AFF1: variants seen among roughly 807,000 people sequenced by gnomAD.
The protein encoded by AFF1 is AF4/FMR2 family member 1.
AFF1 carries 48 observed loss-of-function variants against 121.7 expected under a neutral mutation model. That is an observed-to-expected ratio of 0.39 (90% CI 0.31 to 0.50). The LOEUF (loss-of-function observed/expected upper bound fraction) is 0.50, where lower values mean the gene tolerates loss of function less well. AFF1 is among the 20% of genes least tolerant of loss of function. AFF1 has a pLI of 0.76. For missense variants in AFF1, 1,523 were observed against 1,511.7 expected, an observed-to-expected ratio of 1.01 and a Z score of -0.12; for synonymous variants, 613 against 563.0, an observed-to-expected ratio of 1.09 and a Z score of -1.26.
chr4:87,034,120 C>A (rs567144432), intron 2 of AFF1, among the ~76,000 whole-genome samples: 1 of 152,054 alleles, frequency 6.6e-6, no homozygotes, highest in Admixed American at 6.5e-5. Flanking sequence ...GCTGAGGAGC[C>A]GATAGTTATA....
chr4:86,995,839 C>T (rs1725119134), intron 2 of AFF1, among the ~76,000 whole-genome samples: 1 of 151,430 alleles, frequency 6.6e-6, no homozygotes, highest in East Asian at 2.0e-4. Flanking sequence ...GCGTCTCTGC[C>T]TGGCCGCCAT....
chr4:86,956,869 A>C (rs1197909954), intron 2 of AFF1, among the ~76,000 whole-genome samples: 1 of 152,106 alleles, frequency 6.6e-6, no homozygotes, highest in Non-Finnish European at 1.5e-5. Flanking sequence ...GCAATGTTCC[A>C]CATATGTTTT....
chr4:87,131,025 G>A, intron 16 of AFF1, 58 bp from the exon 17 acceptor site: 2 of 1,592,800 alleles, frequency 1.3e-6, no homozygotes, highest in Non-Finnish European at 1.7e-6. Context: ...GAATGTGGGT[G>A]AGAAACTAAA....
At chr4:87,044,407 G>A (rs1403260989) in intron 2 of AFF1, among the ~76,000 whole-genome samples, 3 of 152,134 alleles carry the variant, frequency 2.0e-5, no homozygotes, top group Admixed American at 6.5e-5. Flanking sequence ...AATTTGCGAG[G>A]TTCGTTTCTG....
intron 2 of AFF1, among the ~76,000 whole-genome samples, chr4:87,038,685 C>G (rs1729803912): frequency 6.6e-6 from 1 of 152,210 alleles, no homozygotes; most frequent in South Asian, 2.1e-4. Flanking sequence ...ATTTGTTGCT[C>G]TATCCTTTGT....
rs10676975 is a variant in AFF1 at position 86,978,177 on chromosome 4, CTTTTTTTTTTTT to C, written c.38+29619_38+29630del. Among the ~76,000 whole-genome samples, 6 of 39,324 alleles carry C rather than the reference CTTTTTTTTTTTT, an allele frequency of 1.5e-4. No homozygotes were observed. The South Asian group carries it at 5.8e-3, about 38-fold the overall frequency. 25.8% of individuals were successfully genotyped at this position (39,324 alleles called of 152,430 possible). A position where few individuals can be genotyped will look rare whatever the true frequency, so the allele number is the denominator to read the frequency against. ...CTTCTCTTACTTCTCATTACATTCA[CTTTTTTTTTTTT>C]TTTTTTTTTTTTGAGATGGAGTCTC... On this transcript the variant is annotated intron_variant, in intron 2 of 20. Transcript: ENST00000395146.
At chr4:87,094,797 G>A (rs1247576659) in intron 7 of AFF1, 118 bp from the exon 8 acceptor site, 4 of 895,904 alleles carry the variant, frequency 4.5e-6, no homozygotes, top group Admixed American at 2.2e-5. Flanking sequence ...ATAATGCTAA[G>A]ATTGTACCAA....
chr4:86,966,585 C>T (rs950929195), intron 2 of AFF1, among the ~76,000 whole-genome samples: 2 of 83,692 alleles, frequency 2.4e-5, no homozygotes, highest in African/African-American at 1.1e-4. Context: ...CAAGATGGCT[C>T]ACAGGAAAAA....
At chr4:86,940,953 T>C (rs546675158) in intron 1 of AFF1, among the ~76,000 whole-genome samples, 13 of 151,842 alleles carry the variant, frequency 8.6e-5, no homozygotes, top group Non-Finnish European at 1.3e-4. Flanking sequence ...CCGGGTATTG[T>C]GTTGGACACC....
At chr4:87,013,032 C>CTTTTTTTTTTTTTTTTTTTTTTTTTTTT (rs61071328) in intron 2 of AFF1, among the ~76,000 whole-genome samples, 1 of 93,514 alleles carries the variant, frequency 1.1e-5, no homozygotes, top group Non-Finnish European at 2.0e-5. Flanking sequence ...CTATCAAGTT[C>CTTTTTTTTTTTTTTTTTTTTTTTTTTTT]TTTTTTTTTT....
intron 2 of AFF1, among the ~76,000 whole-genome samples, chr4:86,978,153 TTCTCTTA>T (rs1470493118): frequency 1.9e-4 from 15 of 78,824 alleles, no homozygotes; most frequent in South Asian, 6.4e-4. Flanking sequence ...GGTAGCTTAC[TTCTCTTA>T]CTTCTCATTA....
intron 4 of AFF1, among the ~76,000 whole-genome samples, chr4:87,067,042 T>A (rs923609939): frequency 6.6e-6 from 1 of 152,254 alleles, no homozygotes; most frequent in Non-Finnish European, 1.5e-5. Flanking sequence ...TATTAAAAGT[T>A]ACAGAATTTG....
chr4:86,979,694 T>G (rs529616054), intron 2 of AFF1, among the ~76,000 whole-genome samples: 3 of 152,302 alleles, frequency 2.0e-5, no homozygotes, highest in Admixed American at 2.0e-4. Context: ...AAAACTACAT[T>G]TAGCTATCAT....
At chr4:87,049,080 A>T (rs993729761) in intron 4 of AFF1, among the ~76,000 whole-genome samples, 78 of 35,768 alleles carry the variant, frequency 2.2e-3, no homozygotes, top group African/African-American at 5.8e-3. Context: ...TTCCCAGTTT[A>T]AAAAAAAAAA....
At chr4:86,961,299 C>G (rs1446154953) in intron 2 of AFF1, among the ~76,000 whole-genome samples, 2 of 152,166 alleles carry the variant, frequency 1.3e-5, no homozygotes, top group Non-Finnish European at 2.9e-5. Context: ...GGAAGATACT[C>G]ATCAGTGGCT....
chr4:87,108,446 C>T, intron 11 of AFF1, 131 bp downstream of exon 11: 1 of 973,646 alleles, frequency 1.0e-6, no homozygotes, highest in South Asian at 1.7e-5. Context: ...TGCTTTCCTG[C>T]TCCTATGCTG....
At chr4:87,127,819 G>T in intron 16 of AFF1, 116 bp downstream of exon 16, 4 of 1,060,898 alleles carry the variant, frequency 3.8e-6, no homozygotes, top group Non-Finnish European at 5.6e-6. Flanking sequence ...GTGGAAGGAG[G>T]GGGTGCAGCA....
chr4:87,018,705 C>T (rs1413892237), intron 2 of AFF1, among the ~76,000 whole-genome samples: 2 of 152,108 alleles, frequency 1.3e-5, no homozygotes, highest in African/African-American at 4.8e-5. Context: ...GTAGTTCTAC[C>T]AAAACTTAGC....
intron 8 of AFF1, among the ~76,000 whole-genome samples, chr4:87,096,289 T>C (rs1381703354): frequency 1.4e-5 from 2 of 145,904 alleles, no homozygotes; most frequent in East Asian, 4.1e-4. Context: ...TGTTACCTTT[T>C]GTTATTCCCT....
Sources: allele counts gnomAD v4.1 joint callset (sites outside exome capture counted in the v4.1 genomes callset), GRCh38; gene constraint gnomAD v4.1.1; transcripts MANE v1.5; gene names NCBI Gene and HGNC (gene_info 2026-07-23, HGNC 2026-07-21).